The following CTNNA3 variants were observed in gnomAD, a reference collection of about 807,000 sequenced individuals.
The protein encoded by CTNNA3 is catenin alpha-3.
In CTNNA3, 76 loss-of-function variants were observed where a neutral mutation model predicts 95.7. The observed-to-expected ratio is 0.79, with a 90% CI of 0.66 to 0.96. The LOEUF is 0.96. Among genes scored for constraint, CTNNA3 ranks in the 40% least tolerant of loss-of-function variants. CTNNA3 has a pLI of 0.00. For missense variants in CTNNA3, 1,191 were observed against 1,089.8 expected, an observed-to-expected ratio of 1.09 and a Z score of -1.31; for synonymous variants, 431 against 374.4, an observed-to-expected ratio of 1.15 and a Z score of -1.74.
chr10:66,784,710 C>T (rs1282740652), intron 7 of CTNNA3, among the ~76,000 whole-genome samples: 4 of 152,022 alleles, frequency 2.6e-5, no homozygotes, highest in Admixed American at 2.6e-4. Flanking sequence ...AATCAAAAAC[C>T]ACTACTTGGC....
At chr10:67,212,907 A>T (rs1413386773) in intron 6 of CTNNA3, among the ~76,000 whole-genome samples, 1 of 151,846 alleles carries the variant, frequency 6.6e-6, no homozygotes, top group Non-Finnish European at 1.5e-5. Flanking sequence ...TTCCTTACTT[A>T]TCTGACCTGT....
intron 15 of CTNNA3, among the ~76,000 whole-genome samples, chr10:66,000,740 C>T (rs953552274): frequency 6.6e-6 from 1 of 152,112 alleles, no homozygotes; most frequent in African/African-American, 2.4e-5. Context: ...TATACACACA[C>T]TAATTTTATC....
intron 5 of CTNNA3, among the ~76,000 whole-genome samples, chr10:67,318,689 C>T (rs1841174129): frequency 6.6e-6 from 1 of 152,302 alleles, no homozygotes; most frequent in Admixed American, 6.5e-5. Context: ...TTCTCCTCAC[C>T]TGGAATATTC....
chr10:65,982,022 C>T (rs2078329701), intron 16 of CTNNA3, among the ~76,000 whole-genome samples: 1 of 151,782 alleles, frequency 6.6e-6, no homozygotes, highest in Non-Finnish European at 1.5e-5. Flanking sequence ...TGGAAAGCTT[C>T]TGCACAGAAA....
chr10:66,906,236 G>A (rs1046037517), intron 7 of CTNNA3, among the ~76,000 whole-genome samples: 1 of 152,072 alleles, frequency 6.6e-6, no homozygotes, highest in Non-Finnish European at 1.5e-5. Flanking sequence ...GATATTATGG[G>A]CTTCCTGATA....
chr10:66,229,952 T>G (rs1564790441), intron 13 of CTNNA3, among the ~76,000 whole-genome samples: 1 of 152,080 alleles, frequency 6.6e-6, no homozygotes, highest in Non-Finnish European at 1.5e-5. Context: ...TTTGTCTCAT[T>G]GGGTAATTTC....
At chr10:66,893,882 C>A (rs1845370555) in intron 7 of CTNNA3, among the ~76,000 whole-genome samples, 1 of 152,134 alleles carries the variant, frequency 6.6e-6, no homozygotes, top group Non-Finnish European at 1.5e-5. Flanking sequence ...TTTACAAGTT[C>A]TTTGCAATAG....
At chr10:67,192,243 T>C (rs1418612833) in intron 6 of CTNNA3, among the ~76,000 whole-genome samples, 1 of 151,746 alleles carries the variant, frequency 6.6e-6, no homozygotes, top group African/African-American at 2.4e-5. Context: ...GGACTACTTA[T>C]AAAAATCTTC....
rs1280545187 is a variant in CTNNA3 at position 66,739,810 on chromosome 10, T to TTG, written c.1281+26452_1281+26453dup. Among the ~76,000 whole-genome samples, 16 of 151,602 alleles carry TTG rather than the reference T, an allele frequency of 1.1e-4. No individual in the cohort carries two copies. The South Asian group carries it at 1.5e-3, about 14-fold the overall frequency. ...GATTGGGGAAAGTACAGTTGTGTGT[T>TTG]TGTGTGTGTGTGTGTAGACACAAAC... On this transcript the variant is annotated intron_variant, in intron 9 of 17. Transcript: ENST00000433211.
intron 5 of CTNNA3, among the ~76,000 whole-genome samples, chr10:67,344,849 C>T (rs998656746): frequency 6.6e-6 from 1 of 151,818 alleles, no homozygotes; most frequent in Non-Finnish European, 1.5e-5. Flanking sequence ...TTTATTTCTG[C>T]TCTAATCTTT....
chr10:67,118,345 C>T (rs1407824709), intron 7 of CTNNA3, among the ~76,000 whole-genome samples: 2 of 151,938 alleles, frequency 1.3e-5, no homozygotes, highest in African/African-American at 4.8e-5. Context: ...ATCCATTCCT[C>T]TCCGATATCC....
intron 13 of CTNNA3, among the ~76,000 whole-genome samples, chr10:66,248,190 G>T (rs887264159): frequency 6.6e-6 from 1 of 151,952 alleles, no homozygotes. Flanking sequence ...TAAAATAATA[G>T]ATTATAAGAT....
chr10:66,652,126 C>A, intron 9 of CTNNA3, among the ~76,000 whole-genome samples: 2 of 142,230 alleles, frequency 1.4e-5, no homozygotes, highest in Non-Finnish European at 1.5e-5. Context: ...AAAACTAAGC[C>A]CAAAGTTAGC....
chr10:66,867,675 C>T (rs1259770495), intron 7 of CTNNA3, among the ~76,000 whole-genome samples: 2 of 152,030 alleles, frequency 1.3e-5, no homozygotes, highest in Admixed American at 1.3e-4. Flanking sequence ...AAGTTCAAGC[C>T]TCACCATGTC....
intron 11 of CTNNA3, among the ~76,000 whole-genome samples, chr10:66,461,363 C>A (rs1487392915): frequency 1.3e-5 from 2 of 151,976 alleles, no homozygotes; most frequent in African/African-American, 2.4e-5. Context: ...AACTTACATG[C>A]AGCATATTAT....
At chr10:66,246,244 G>A (rs909325298) in intron 13 of CTNNA3, among the ~76,000 whole-genome samples, 4 of 152,198 alleles carry the variant, frequency 2.6e-5, no homozygotes, top group African/African-American at 9.6e-5. Context: ...AGGGCAGGGG[G>A]GCCTTCCTGG....
At chr10:66,823,588 T>C (rs1842378462) in intron 7 of CTNNA3, among the ~76,000 whole-genome samples, 1 of 152,192 alleles carries the variant, frequency 6.6e-6, no homozygotes, top group Non-Finnish European at 1.5e-5. Flanking sequence ...CAGCTGCTGT[T>C]ATTAGAATCA....
intron 11 of CTNNA3, among the ~76,000 whole-genome samples, chr10:66,467,461 G>A (rs1838964033): frequency 1.3e-5 from 2 of 151,952 alleles, no homozygotes; most frequent in Non-Finnish European, 2.9e-5. Flanking sequence ...CACTCCCAGG[G>A]AGTATGATCT....
At chr10:67,136,418 A>T (rs1860310593) in intron 7 of CTNNA3, among the ~76,000 whole-genome samples, 1 of 152,282 alleles carries the variant, frequency 6.6e-6, no homozygotes, top group African/African-American at 2.4e-5. Flanking sequence ...CTATGTAATT[A>T]GAATTTTTAG....
Sources: allele counts gnomAD v4.1 joint callset (sites outside exome capture counted in the v4.1 genomes callset), GRCh38; gene constraint gnomAD v4.1.1; transcripts MANE v1.5; gene names NCBI Gene and HGNC (gene_info 2026-07-23, HGNC 2026-07-21).